RBPMS: variants seen among roughly 807,000 people sequenced by gnomAD.
RBPMS encodes the protein RNA binding protein, mRNA processing factor, also known as RNA-binding protein with multiple splicing.
Under a neutral mutation model 26.8 loss-of-function variants are expected in RBPMS, and 7 were observed. That is an observed-to-expected ratio of 0.26 (90% CI 0.15 to 0.49). The LOEUF is 0.49. Among genes scored for constraint, RBPMS ranks in the 20% least tolerant of loss-of-function variants. RBPMS has a pLI of 0.98. For synonymous variants in RBPMS, 96 were observed against 93.3 expected, an observed-to-expected ratio of 1.03 and a Z score of -0.17; for missense variants, 186 against 250.0, an observed-to-expected ratio of 0.74 and a Z score of 1.73.
intron 5 of RBPMS, among the ~76,000 whole-genome samples, chr8:30,509,778 T>C (rs1821397444): frequency 6.6e-6 from 1 of 152,210 alleles, no homozygotes; most frequent in Admixed American, 6.5e-5. Flanking sequence ...CACAAGGGAA[T>C]GACTAAAAGT....
chr8:30,428,900 ATG>A (rs1811644679), intron 1 of RBPMS, among the ~76,000 whole-genome samples: 1 of 152,084 alleles, frequency 6.6e-6, no homozygotes, highest in African/African-American at 2.4e-5. Context: ...GCTGGGGAGT[ATG>A]TGTGTAGTGG....
intron 1 of RBPMS, among the ~76,000 whole-genome samples, chr8:30,386,667 T>TA (rs931533503): frequency 1.3e-5 from 2 of 152,170 alleles, no homozygotes; most frequent in African/African-American, 2.4e-5. Flanking sequence ...CCCTACCACT[T>TA]AAAAAAATTT....
intron 1 of RBPMS, among the ~76,000 whole-genome samples, chr8:30,391,666 A>G (rs1368143920): frequency 1.3e-5 from 2 of 152,166 alleles, no homozygotes; most frequent in Non-Finnish European, 2.9e-5. Context: ...TCACATCCCT[A>G]AAGTGTACCA....
rs1823327935 is a variant in RBPMS at position 30,524,058 on chromosome 8, A to C, written c.397+19622A>C. ...CAGATTGTTTGTCCTGTAATTTCTT[A>C]GAGTATCTCTGTGATTTTGTTTAGC... is the stretch of plus-strand genomic sequence containing the variant. On this transcript the variant is annotated intron_variant, in intron 5 of 8. Transcript: ENST00000397323. Among the ~76,000 whole-genome samples, 4 of 152,244 alleles carry C rather than the reference A, an allele frequency of 2.6e-5. No homozygotes were observed. In the South Asian group the frequency reaches 8.3e-4, roughly 32 times the overall value.
At chr8:30,549,795 T>TCTCTCTCTCTCTCTCTCTCTCTCC (rs1298441943) in intron 6 of RBPMS, among the ~76,000 whole-genome samples, 1 of 100,744 alleles carries the variant, frequency 9.9e-6, no homozygotes, top group African/African-American at 4.8e-5. Flanking sequence ...TCTCTCTCTC[T>TCTCTCTCTCTCTCTCTCTCTCTCC]CCCCTCTCTC....
intron 6 of RBPMS, among the ~76,000 whole-genome samples, chr8:30,557,782 G>A (rs532117488): frequency 3.3e-4 from 51 of 152,348 alleles, no homozygotes; most frequent in Non-Finnish European, 6.3e-4. Context: ...AGTGGGAGGC[G>A]GGCATCTCTT....
At chr8:30,513,223 C>T (rs141053558) in intron 5 of RBPMS, among the ~76,000 whole-genome samples, 1 of 152,184 alleles carries the variant, frequency 6.6e-6, no homozygotes, top group Non-Finnish European at 1.5e-5. Flanking sequence ...AGACTTCAGA[C>T]TGTGGCATCA....
chr8:30,539,736 G>A (rs187008249), intron 5 of RBPMS, among the ~76,000 whole-genome samples: 1 of 150,976 alleles, frequency 6.6e-6, no homozygotes, highest in East Asian at 2.0e-4. Context: ...AGCAATTCTT[G>A]TGCCTCAGCC....
At chr8:30,514,181 T>C (rs1822039328) in intron 5 of RBPMS, among the ~76,000 whole-genome samples, 1 of 152,180 alleles carries the variant, frequency 6.6e-6, no homozygotes, top group South Asian at 2.1e-4. Context: ...CAATTTTGCC[T>C]AAGAATGTTT....
intron 5 of RBPMS, among the ~76,000 whole-genome samples, chr8:30,536,845 T>C (rs1824857066): frequency 6.6e-6 from 1 of 152,200 alleles, no homozygotes; most frequent in African/African-American, 2.4e-5. Context: ...CCCAGGTCTC[T>C]AGCAGAGTGG....
chr8:30,489,853 C>G (rs992598769), intron 4 of RBPMS, among the ~76,000 whole-genome samples: 2 of 151,586 alleles, frequency 1.3e-5, no homozygotes, highest in African/African-American at 4.8e-5. Flanking sequence ...CTGTGTTACC[C>G]AGGCTGGAGT....
At chr8:30,436,644 G>A (rs1812479386) in intron 1 of RBPMS, among the ~76,000 whole-genome samples, 1 of 152,190 alleles carries the variant, frequency 6.6e-6, no homozygotes, top group Non-Finnish European at 1.5e-5. Flanking sequence ...ACTTAGGACT[G>A]CAATAGTTTT....
chr8:30,504,524 C>A, intron 5 of RBPMS, 88 bp downstream of exon 5: 2 of 1,305,204 alleles, frequency 1.5e-6, no homozygotes, highest in Non-Finnish European at 2.1e-6. Context: ...GGACATGGAG[C>A]TGGCTGAGTC....
intron 5 of RBPMS, among the ~76,000 whole-genome samples, chr8:30,530,714 G>A (rs544365268): frequency 5.9e-5 from 9 of 152,126 alleles, no homozygotes; most frequent in East Asian, 1.9e-4. Context: ...CGCCTGCCTC[G>A]GCCTCCCAAA....
Position 30,449,342 on chromosome 8 carries a change from G to A in RBPMS, c.67-25437G>A, listed in dbSNP as rs967662698. ...CCTGTTTCTTGCCCCCACCCAGCTC[G>A]ATTGGATCCTTTTCCTCACATCTCC... On this transcript the variant is annotated intron_variant, in intron 1 of 8. Transcript: ENST00000397323. Among the ~76,000 whole-genome samples the A allele has an allele frequency of 2.7e-5, 4 of 148,158 alleles. No individual in the cohort carries two copies. In the South Asian group the frequency reaches 6.4e-4, roughly 24 times the overall value.
intron 5 of RBPMS, among the ~76,000 whole-genome samples, chr8:30,530,938 T>C (rs1390871380): frequency 1.3e-5 from 2 of 152,132 alleles, no homozygotes; most frequent in Non-Finnish European, 2.9e-5. Context: ...CAAAACATTA[T>C]ACCAATCCCT....
intron 4 of RBPMS, among the ~76,000 whole-genome samples, chr8:30,485,474 G>A (rs894911522): frequency 9.2e-5 from 14 of 152,230 alleles, no homozygotes; most frequent in Admixed American, 1.3e-4. Context: ...ATTGCCAGAT[G>A]AGATCATGGG....
chr8:30,552,758 C>A (rs556386079), intron 6 of RBPMS: 1 of 152,306 alleles, frequency 6.6e-6, no homozygotes, highest in East Asian at 1.9e-4. Flanking sequence ...TTAGCTTGTG[C>A]TTAGGACAGA....
intron 5 of RBPMS, among the ~76,000 whole-genome samples, chr8:30,516,736 C>T (rs760341909): frequency 2.0e-5 from 3 of 152,062 alleles, no homozygotes; most frequent in Non-Finnish European, 4.4e-5. Flanking sequence ...TTTTATAATA[C>T]GTGTATATAA....
Sources: gnomAD v4.1 joint callset for allele counts (sites outside exome capture counted in the v4.1 genomes callset) on GRCh38, gnomAD v4.1.1 for gene constraint, MANE v1.5 for transcripts, NCBI Gene and HGNC (gene_info 2026-07-23, HGNC 2026-07-21) for gene names.